The following SGCD variants were observed in gnomAD, a reference collection of about 807,000 sequenced individuals.
SGCD encodes the protein delta-sarcoglycan.
A neutral mutation model predicts 36.6 loss-of-function variants in SGCD; 18 were observed. That is an observed-to-expected ratio of 0.49 (90% CI 0.34 to 0.73). The LOEUF (loss-of-function observed/expected upper bound fraction) is 0.73. Among genes scored for constraint, SGCD ranks in the 30% least tolerant of loss-of-function variants. The pLI is 0.01. For missense variants in SGCD, 387 were observed against 346.7 expected, an observed-to-expected ratio of 1.12 and a Z score of -0.92; for synonymous variants, 133 against 130.6, an observed-to-expected ratio of 1.02 and a Z score of -0.12.
At position 156,716,972 on chromosome 5, in the gene SGCD, C is replaced by T. The variant is rs1318896560; in HGVS notation, c.576-40609C>T. ...GGTTTAATTAGGAAACAACATGAGT[C>T]ATCTTTGTTTCTGAAAATGTATTTG... On this transcript the variant is annotated intron_variant, in intron 7 of 8. Transcript: ENST00000337851. Among the ~76,000 whole-genome samples, 3 of 152,174 alleles carry T rather than the reference C, an allele frequency of 2.0e-5. No individual in the cohort carries two copies. In the South Asian group the frequency reaches 6.2e-4, roughly 32 times the overall value.
At chr5:156,740,219 A>G (rs935963346) in intron 7 of SGCD, among the ~76,000 whole-genome samples, 6 of 152,212 alleles carry the variant, frequency 3.9e-5, no homozygotes, top group Non-Finnish European at 7.3e-5. Context: ...CGTTACTTCA[A>G]ATGTCCCATT....
intron 7 of SGCD, among the ~76,000 whole-genome samples, chr5:156,690,348 T>C (rs1176266618): frequency 6.6e-6 from 1 of 152,200 alleles, no homozygotes; most frequent in Non-Finnish European, 1.5e-5. Context: ...ACAGATGATG[T>C]TAAAACAACA....
At chr5:156,594,457 A>G (rs1329410710) in intron 5 of SGCD, among the ~76,000 whole-genome samples, 1 of 152,200 alleles carries the variant, frequency 6.6e-6, no homozygotes, top group African/African-American at 2.4e-5. Flanking sequence ...TTGGTGTCAA[A>G]TGCAGCCAGT....
the SGCD span, among the ~76,000 whole-genome samples, chr5:155,808,132 T>C: frequency 6.6e-6 from 1 of 152,198 alleles, no homozygotes; most frequent in Non-Finnish European, 1.5e-5. Context: ...CCCTAACTTG[T>C]TTGCAGTCAG....
At chr5:156,444,722 T>C (rs1410951294) in intron 3 of SGCD, among the ~76,000 whole-genome samples, 1 of 152,112 alleles carries the variant, frequency 6.6e-6, no homozygotes, top group East Asian at 1.9e-4. Context: ...GTTAATTTCA[T>C]TACAGTATAT....
At chr5:156,618,652 G>A (rs1581265188) in intron 6 of SGCD, among the ~76,000 whole-genome samples, 1 of 150,474 alleles carries the variant, frequency 6.6e-6, no homozygotes, top group Non-Finnish European at 1.5e-5. Flanking sequence ...CTGCCTAGTA[G>A]CGCGCATTCA....
intron 3 of SGCD, among the ~76,000 whole-genome samples, chr5:156,418,626 C>T (rs1372114058): frequency 6.6e-6 from 1 of 152,154 alleles, no homozygotes; most frequent in African/African-American, 2.4e-5. Context: ...AGATCTGACC[C>T]TTACATCTTC....
intron 3 of SGCD, among the ~76,000 whole-genome samples, chr5:156,462,759 T>C (rs1035604090): frequency 6.6e-6 from 1 of 152,164 alleles, no homozygotes; most frequent in Admixed American, 6.5e-5. Flanking sequence ...TTTAATTTTA[T>C]GGATTTACAT....
At chr5:155,946,230 G>C (rs1757434620) in intron 1 of SGCD, among the ~76,000 whole-genome samples, 1 of 152,100 alleles carries the variant, frequency 6.6e-6, no homozygotes, top group African/African-American at 2.4e-5. Context: ...CAATGTGTTA[G>C]GTGTTGTGCA....
intron 4 of SGCD, among the ~76,000 whole-genome samples, chr5:156,547,801 A>G (rs74455343): frequency 0.018 from 2,678 of 152,312 alleles, 31 homozygotes; most frequent in Non-Finnish European, 0.029. Context: ...GGCTTGTGTA[A>G]CTAGAAGACA....
intron 3 of SGCD, among the ~76,000 whole-genome samples, chr5:156,476,215 A>G (rs1194039745): frequency 1.3e-5 from 2 of 152,232 alleles, no homozygotes; most frequent in Non-Finnish European, 2.9e-5. Context: ...CAGGCCTGTC[A>G]GCAACCTCCA....
intron 1 of SGCD, among the ~76,000 whole-genome samples, chr5:156,049,066 A>G (rs1298445591): frequency 2.0e-5 from 3 of 146,562 alleles, no homozygotes; most frequent in African/African-American, 7.3e-5. Context: ...TCCCAGCACC[A>G]TTTATTAAAT....
At chr5:156,353,878 G>A (rs1490801027) in intron 3 of SGCD, among the ~76,000 whole-genome samples, 4 of 152,168 alleles carry the variant, frequency 2.6e-5, no homozygotes, top group Non-Finnish European at 5.9e-5. Flanking sequence ...GAAACTTCCT[G>A]TGTTTTATAC....
At chr5:156,685,437 A>G (rs1177348888) in intron 7 of SGCD, among the ~76,000 whole-genome samples, 2 of 152,212 alleles carry the variant, frequency 1.3e-5, no homozygotes, top group African/African-American at 4.8e-5. Flanking sequence ...AGTTAGGCAT[A>G]TGCTGTCTAG....
At chr5:156,665,074 G>A (rs1228981291) in intron 7 of SGCD, among the ~76,000 whole-genome samples, 1 of 151,582 alleles carries the variant, frequency 6.6e-6, no homozygotes, top group Admixed American at 6.6e-5. Flanking sequence ...TGGTGCTGGG[G>A]GCATTCCTGG....
chr5:156,226,066 A>C (rs1186203916), intron 3 of SGCD, among the ~76,000 whole-genome samples: 1 of 151,956 alleles, frequency 6.6e-6, no homozygotes, highest in Non-Finnish European at 1.5e-5. Context: ...GCTTCTTTTT[A>C]ATTTGTTTTT....
chr5:156,082,275 G>T (rs1003249017), intron 1 of SGCD, among the ~76,000 whole-genome samples: 2 of 145,616 alleles, frequency 1.4e-5, no homozygotes, highest in African/African-American at 5.1e-5. Context: ...GTGGGCGGGG[G>T]GGTCCAGGGG....
chr5:155,959,774 T>C (rs1391567899), intron 1 of SGCD, among the ~76,000 whole-genome samples: 2 of 152,156 alleles, frequency 1.3e-5, no homozygotes, highest in African/African-American at 2.4e-5. Flanking sequence ...ATATGCTAAG[T>C]ACCATACATA....
chr5:156,138,817 T>G (rs1295938872), intron 3 of SGCD, among the ~76,000 whole-genome samples: 1 of 152,210 alleles, frequency 6.6e-6, no homozygotes, highest in African/African-American at 2.4e-5. Flanking sequence ...ATTTGAAAGA[T>G]CCAATTATTC....
Sources: gnomAD v4.1 joint callset for allele counts (sites outside exome capture counted in the v4.1 genomes callset) on GRCh38, gnomAD v4.1.1 for gene constraint, MANE v1.5 for transcripts, NCBI Gene and HGNC (gene_info 2026-07-23, HGNC 2026-07-21) for gene names.